STUM: variants seen among roughly 807,000 people sequenced by gnomAD.
STUM encodes protein stum homolog.
In STUM, 8 loss-of-function variants were observed where a neutral mutation model predicts 15.3. The observed-to-expected ratio is 0.52, with a 90% CI of 0.31 to 0.94. The LOEUF is 0.94. STUM is among the 40% of genes least tolerant of loss of function. The pLI, the probability that STUM is intolerant of heterozygous loss-of-function variation, is 0.05. For missense variants in STUM, 142 were observed against 204.9 expected, an observed-to-expected ratio of 0.69 and a Z score of 1.87; for synonymous variants, 78 against 88.7, an observed-to-expected ratio of 0.88 and a Z score of 0.68.
intron 1 of STUM, among the ~76,000 whole-genome samples, chr1:226,578,657 C>T (rs1207110147): frequency 2.0e-5 from 3 of 152,166 alleles, no homozygotes; most frequent in Non-Finnish European, 4.4e-5. Flanking sequence ...GCCACTGCAC[C>T]CAGCCCCAGT....
Position 226,548,885 on chromosome 1 carries a change from G to A in STUM, c.-20G>A. 1 of 1,354,180 alleles carries A rather than the reference G, an allele frequency of 7.4e-7. No individual in the cohort carries two copies. The highest frequency in any genetic ancestry group is 9.4e-7 in the Non-Finnish European group (1 of 1,063,166). 83.9% of individuals were successfully genotyped at this position (1,354,180 alleles called of 1,614,324 possible). On this transcript the variant is annotated 5_prime_UTR_variant, in exon 1 of 4. Transcript: ENST00000366788. ...CCAGCTCCGGCCGTGCTGCCCGGCT[G>A]CCTGAGAGCGCGCCCGGCCATGGAG...
chr1:226,572,840 T>C (rs1187882971), intron 1 of STUM, among the ~76,000 whole-genome samples: 2 of 152,184 alleles, frequency 1.3e-5, no homozygotes, highest in African/African-American at 4.8e-5. Context: ...AAGTTAGAGC[T>C]GGAAGGGTCC....
At chr1:226,591,733 T>C (rs1181029838) in intron 1 of STUM, among the ~76,000 whole-genome samples, 1 of 152,218 alleles carries the variant, frequency 6.6e-6, no homozygotes, top group African/African-American at 2.4e-5. Flanking sequence ...AACTTTCATA[T>C]ACACATTAGG....
intron 1 of STUM, among the ~76,000 whole-genome samples, chr1:226,579,383 GC>G (rs2102700488): frequency 6.6e-6 from 1 of 152,348 alleles, no homozygotes; most frequent in East Asian, 1.9e-4. Context: ...TGGGCTGCGT[GC>G]TGGGAATACA....
At chr1:226,575,015 C>T (rs899347599) in intron 1 of STUM, among the ~76,000 whole-genome samples, 1 of 152,180 alleles carries the variant, frequency 6.6e-6, no homozygotes, top group Non-Finnish European at 1.5e-5. Flanking sequence ...GCTGCTGGCT[C>T]CATCCCAGAA....
intron 3 of STUM, 155 bp from the exon 4 acceptor site, chr1:226,601,851 A>G: frequency 1.5e-6 from 1 of 671,766 alleles, no homozygotes; most frequent in Non-Finnish European, 2.7e-6. Flanking sequence ...TAGAAAGTCA[A>G]AGCCCTTGGG....
At chr1:226,558,836 G>A (rs1407010369) in intron 1 of STUM, among the ~76,000 whole-genome samples, 1 of 152,328 alleles carries the variant, frequency 6.6e-6, no homozygotes, top group East Asian at 1.9e-4. Context: ...CTTGGTGGTG[G>A]TTTATAGCAC....
chr1:226,566,123 G>C (rs1369851134), intron 1 of STUM, among the ~76,000 whole-genome samples: 1 of 152,110 alleles, frequency 6.6e-6, no homozygotes, highest in Non-Finnish European at 1.5e-5. Context: ...CCTCAGTTGC[G>C]TGGTTTGATT....
chr1:226,587,870 C>A (rs1306427609), intron 1 of STUM, among the ~76,000 whole-genome samples: 1 of 152,124 alleles, frequency 6.6e-6, no homozygotes, highest in Non-Finnish European at 1.5e-5. Context: ...CTGGGAACTG[C>A]CGATAGCAGG....
chr1:226,571,185 C>T (rs1219563446), intron 1 of STUM, among the ~76,000 whole-genome samples: 2 of 152,100 alleles, frequency 1.3e-5, no homozygotes, highest in African/African-American at 4.8e-5. Context: ...GAGCCGAGAT[C>T]ACATCACCGT....
At position 226,567,281 on chromosome 1, in the gene STUM, G is replaced by C. The variant is rs934794728; in HGVS notation, c.202+18175G>C. 6.6e-6 allele frequency among the ~76,000 whole-genome samples: 1 copy of C among 152,184 alleles called. No individual in the cohort carries two copies. The highest frequency in any genetic ancestry group is 1.5e-5 in the Non-Finnish European group (1 of 68,032). The stretch of plus-strand genomic sequence containing the variant: ...TGGAGCTATCCAACGGGTGGTGACG[G>C]CCCCGCGGGCTCTTTTCTCAAACCA... On this transcript the variant is annotated intron_variant, in intron 1 of 3. Transcript: ENST00000366788. The surrounding 1 kb of genome is among the most constrained non-coding windows in gnomAD (Gnocchi z 4.5).
At chr1:226,568,781 C>T (rs1466538234) in intron 1 of STUM, among the ~76,000 whole-genome samples, 3 of 152,264 alleles carry the variant, frequency 2.0e-5, no homozygotes, top group Non-Finnish European at 2.9e-5. Flanking sequence ...TTCGCCCCTG[C>T]GACGTTGCTC....
At chr1:226,570,376 G>C (rs1667688113) in intron 1 of STUM, among the ~76,000 whole-genome samples, 1 of 152,204 alleles carries the variant, frequency 6.6e-6, no homozygotes, top group African/African-American at 2.4e-5. Flanking sequence ...AAGCACATTG[G>C]CAGTGTCAGA....
At position 226,600,690 on chromosome 1, in the gene STUM, G is replaced by A. The variant is rs1195268174; in HGVS notation, c.391+16G>A. ...GTTTCCCAAGGTGAGTCTGCGGATG[G>A]ACGTGCGGGCCTCGTGCTGCTGCTT... On this transcript the variant is annotated intron_variant, in intron 3 of 3. Transcript: ENST00000366788. The surrounding 1 kb of genome is among the most constrained non-coding windows in gnomAD (Gnocchi z 5.2). 3.7e-6 allele frequency: 6 copies of A among 1,610,366 alleles called. No individual in the cohort carries two copies. The South Asian group carries it at 5.5e-5, about 15-fold the overall frequency.
intron 1 of STUM, among the ~76,000 whole-genome samples, chr1:226,578,372 T>G (rs1329813459): frequency 7.0e-6 from 1 of 141,934 alleles, no homozygotes; most frequent in African/African-American, 2.7e-5. Context: ...TTTTTTTTTT[T>G]TTTTTTTTTT....
intron 1 of STUM, among the ~76,000 whole-genome samples, chr1:226,561,592 G>A (rs1303378928): frequency 6.6e-6 from 1 of 152,194 alleles, no homozygotes; most frequent in Non-Finnish European, 1.5e-5. Context: ...TTACTGAGAA[G>A]AGCGGGGCCA....
chr1:226,558,165 T>C (rs1667479792), intron 1 of STUM, among the ~76,000 whole-genome samples: 2 of 152,122 alleles, frequency 1.3e-5, no homozygotes, highest in African/African-American at 4.8e-5. Flanking sequence ...AGAAAAGGCA[T>C]CCAAATAGGA....
chr1:226,592,278 C>T (rs192918523), intron 1 of STUM, among the ~76,000 whole-genome samples: 2 of 152,340 alleles, frequency 1.3e-5, no homozygotes, highest in East Asian at 3.9e-4. Flanking sequence ...GAGCTCCTGA[C>T]CTCAGGTGAT....
chr1:226,572,480 G>A (rs1056018554), intron 1 of STUM, among the ~76,000 whole-genome samples: 21 of 152,304 alleles, frequency 1.4e-4, no homozygotes, highest in Admixed American at 3.9e-4. Context: ...TGGATGCCTC[G>A]GGGAGATGGA....
Sources: gnomAD v4.1 joint callset for allele counts (sites outside exome capture counted in the v4.1 genomes callset) on GRCh38, gnomAD v4.1.1 for gene constraint, Gnocchi (gnomAD v3.1) non-coding constraint, MANE v1.5 for transcripts, NCBI Gene and HGNC (gene_info 2026-07-23, HGNC 2026-07-21) for gene names.